The following SCN3A variants were observed in gnomAD, a reference collection of about 807,000 sequenced individuals.
SCN3A encodes sodium voltage-gated channel alpha subunit 3, also known as sodium channel protein type 3 subunit alpha.
Under a neutral mutation model 187.6 loss-of-function variants are expected in SCN3A, and 60 were observed. That is an observed-to-expected ratio of 0.32 (90% CI 0.26 to 0.40). SCN3A has a LOEUF of 0.40. SCN3A is among the 10% of genes least tolerant of loss of function. The pLI, the probability that SCN3A is intolerant of heterozygous loss-of-function variation, is 1.00. For missense variants in SCN3A, 1,601 were observed against 2,428.2 expected (o/e 0.66, Z 7.16); for synonymous variants, 788 against 829.2 (o/e 0.95, Z 0.85).
chr2:165,201,466 T>C (rs1692313853), intron 1 of SCN3A, among the ~76,000 whole-genome samples: 1 of 152,024 alleles, frequency 6.6e-6, no homozygotes, highest in Admixed American at 6.6e-5. Context: ...CCTGTTCCTT[T>C]TGATGTGAGT....
intron 18 of SCN3A, among the ~76,000 whole-genome samples, chr2:165,127,067 A>G (rs986620446): frequency 6.6e-6 from 1 of 152,130 alleles, no homozygotes; most frequent in South Asian, 2.1e-4. Context: ...TTGGAAGGCT[A>G]CTTTTTTTTG....
chr2:165,170,594 T>A, intron 3 of SCN3A, 46 bp from the exon 4 acceptor site: 4 of 1,136,360 alleles, frequency 3.5e-6, no homozygotes, highest in Non-Finnish European at 5.4e-6. Context: ...GACATGGGCT[T>A]ATTTAAAGAG....
Position 165,089,514 on chromosome 2 carries a change from G to T in SCN3A, c.*636C>A, listed in dbSNP as rs1019162150. On this transcript the variant is annotated 3_prime_UTR_variant, in exon 28 of 28. Transcript: ENST00000283254. ...GAGGAGACTTTACAGGCACATAACT[G>T]TTCAGATAGAAACAAACATAACAGA... 1 of 152,732 alleles carries T rather than the reference G, an allele frequency of 6.5e-6. No individual in the cohort carries two copies. Among genetic ancestry groups the T allele is most frequent in the African/African-American group, 2.4e-5 (1 of 41,430 alleles). The allele number at this position is 152,732 out of a possible 1,614,324, so 9.5% of individuals were successfully genotyped here.
chr2:165,169,308 T>A (rs1275990936), intron 4 of SCN3A, among the ~76,000 whole-genome samples: 1 of 151,986 alleles, frequency 6.6e-6, no homozygotes, highest in Admixed American at 6.6e-5. Context: ...TTTGTAGTGA[T>A]GTAACTTACT....
At position 165,090,509 on chromosome 2, in the gene SCN3A, T is replaced by C. The variant is rs1685038286; in HGVS notation, c.5644A>G (p.Asn1882Asp). Reference protein sequence around the residue: ...IQMEDRFMASNPSKVSYEPIT... With the variant: ...IQMEDRFMASDPSKVSYEPIT... ...GGCTCATAAGAGACTTTGGAGGGGT[T>C]TGATGCCATAAACCTGTCTTCCATC... The change falls in exon 28 of 28, where the codon AAC (asparagine) becomes GAC (aspartate). Residue 1882 changes from asparagine (N) to aspartate (D), a missense_variant. Asn to Asp is a conservative substitution (Grantham distance 23). Around this residue, in one of 11 missense-constraint regions of SCN3A, gnomAD observed 110 missense variants for 175.9 expected, o/e 0.63. Coordinates refer to ENST00000283254, the MANE Select transcript of SCN3A (RefSeq NM_006922.4). The surrounding 1 kb of genome is among the most constrained non-coding windows in gnomAD (Gnocchi z 4.0). 2 of 1,613,954 alleles carry C rather than the reference T, an allele frequency of 1.2e-6. No individual in the cohort carries two copies. The highest frequency in any genetic ancestry group is 2.7e-5 in the African/African-American group (2 of 74,918).
chr2:165,164,324 C>T (rs564521419), intron 6 of SCN3A, 68 bp downstream of exon 6: 1 of 1,601,312 alleles, frequency 6.2e-7, no homozygotes, highest in Admixed American at 1.7e-5. Flanking sequence ...ATATATGACA[C>T]AAAGACCTTG....
At chr2:165,199,912 T>G (rs1017210176) in intron 1 of SCN3A, among the ~76,000 whole-genome samples, 4 of 152,072 alleles carry the variant, frequency 2.6e-5, no homozygotes, top group Non-Finnish European at 5.9e-5. Flanking sequence ...GAAAAATATT[T>G]TCAGGTAAAG....
intron 17 of SCN3A, among the ~76,000 whole-genome samples, chr2:165,129,539 G>A (rs17829650): frequency 0.17 from 25,597 of 152,148 alleles, 2,525 homozygotes; most frequent in East Asian, 0.27. Context: ...CATGCAAAGA[G>A]CAATTTGATT....
At chr2:165,117,114 T>C (rs926441805) in intron 18 of SCN3A, among the ~76,000 whole-genome samples, 2 of 152,090 alleles carry the variant, frequency 1.3e-5, no homozygotes, top group African/African-American at 4.8e-5. Context: ...TTGTAGCAGC[T>C]TCTGGTGTAA....
At chr2:165,142,576 A>G (rs1017415419) in intron 12 of SCN3A, among the ~76,000 whole-genome samples, 2 of 152,196 alleles carry the variant, frequency 1.3e-5, no homozygotes, top group African/African-American at 2.4e-5. Flanking sequence ...AGGGCAGACA[A>G]TAGAGTGATT....
chr2:165,177,893 G>A (rs1457287609), intron 2 of SCN3A, among the ~76,000 whole-genome samples: 1 of 152,024 alleles, frequency 6.6e-6, no homozygotes, highest in Non-Finnish European at 1.5e-5. Flanking sequence ...AATAAAATAA[G>A]TACATCAGTC....
chr2:165,094,038 AGGGAGG>A, intron 26 of SCN3A: 1 of 334,474 alleles, frequency 3.0e-6, no homozygotes, highest in South Asian at 3.5e-5. Flanking sequence ...GAGAGTATAG[AGGGAGG>A]CCTTGGAGAG....
intron 17 of SCN3A, among the ~76,000 whole-genome samples, chr2:165,128,698 A>G (rs1223409404): frequency 4.6e-5 from 7 of 152,242 alleles, no homozygotes; most frequent in Non-Finnish European, 1.5e-5. Context: ...TTTGAAATTT[A>G]TATGTTCAAA....
intron 18 of SCN3A, among the ~76,000 whole-genome samples, chr2:165,125,607 G>A (rs767401404): frequency 1.6e-4 from 25 of 152,080 alleles, no homozygotes; most frequent in Non-Finnish European, 2.9e-4. Context: ...GTGAGCTACC[G>A]CACCCAGCCA....
In SCN3A at chr2:165,122,239, C is replaced by CTT. The variant is rs1286913407; in HGVS notation, c.3393+5390_3393+5391dup. ...TCTTTTTTCTTTCTTTCTTTTTTTT[C>CTT]TTTTTTTTTTTTTTTACAGAACCTT... On this transcript the variant is annotated intron_variant, in intron 18 of 27. Coordinates refer to ENST00000283254, the MANE Select transcript of SCN3A (RefSeq NM_006922.4). Among the ~76,000 whole-genome samples, 549 of 128,878 alleles carry CTT rather than the reference C, an allele frequency of 4.3e-3. 1 individual carries two copies. Among genetic ancestry groups the CTT allele is most frequent in the Non-Finnish European group, 5.3e-3 (329 of 62,290 alleles). 84.5% of individuals were successfully genotyped at this position (128,878 alleles called of 152,430 possible). A position where few individuals can be genotyped will look rare whatever the true frequency, so the allele number is the denominator to read the frequency against.
chr2:165,149,507 A>G (rs1688563714), intron 11 of SCN3A, among the ~76,000 whole-genome samples: 1 of 152,146 alleles, frequency 6.6e-6, no homozygotes, highest in African/African-American at 2.4e-5. Context: ...CATTATTTCC[A>G]AACCTATTCT....
At chr2:165,197,902 A>C (rs1354854081) in intron 1 of SCN3A, among the ~76,000 whole-genome samples, 1 of 151,998 alleles carries the variant, frequency 6.6e-6, no homozygotes, top group Non-Finnish European at 1.5e-5. Flanking sequence ...GATATTAAGG[A>C]AGGATTTATT....
At chr2:165,142,407 T>G (rs1347682316) in intron 12 of SCN3A, among the ~76,000 whole-genome samples, 1 of 152,210 alleles carries the variant, frequency 6.6e-6, no homozygotes, top group East Asian at 1.9e-4. Context: ...TTTGTTGTCC[T>G]CTGTCTCAGT....
chr2:165,199,926 A>G (rs1692209074), intron 1 of SCN3A, among the ~76,000 whole-genome samples: 1 of 152,092 alleles, frequency 6.6e-6, no homozygotes, highest in South Asian at 2.1e-4. Flanking sequence ...GGTAAAGCTG[A>G]ACTAAAACAG....
Sources: gnomAD v4.1 joint callset for allele counts (sites outside exome capture counted in the v4.1 genomes callset) on GRCh38, gnomAD v4.1.1 for gene constraint, gnomAD v4.1.1 regional missense constraint, Gnocchi (gnomAD v3.1) non-coding constraint, MANE v1.5 for transcripts, NCBI Gene and HGNC (gene_info 2026-07-23, HGNC 2026-07-21) for gene names.